Variants in SDK1 observed in about 807,000 individuals in gnomAD.
SDK1 encodes sidekick cell adhesion molecule 1, also known as protein sidekick-1.
A neutral mutation model predicts 245.5 loss-of-function variants in SDK1; 157 were observed. The observed-to-expected ratio is 0.64, with a 90% confidence interval of 0.56 to 0.73. The LOEUF is 0.73. Ranked by LOEUF, SDK1 falls within the 30% of genes least tolerant of loss-of-function variation. SDK1 has a pLI of 0.00. For missense variants in SDK1, 3,583 were observed against 3,002.3 expected, an observed-to-expected ratio of 1.19 and a Z score of -4.52; for synonymous variants, 1,647 against 1,278.5, an observed-to-expected ratio of 1.29 and a Z score of -6.15.
At chr7:3,436,098 C>T (rs1399016685) in intron 1 of SDK1, among the ~76,000 whole-genome samples, 1 of 152,090 alleles carries the variant, frequency 6.6e-6, no homozygotes, top group African/African-American at 2.4e-5. Context: ...GTTTTATTTT[C>T]AATATAATAT....
chr7:3,417,061 C>T (rs1030200860), intron 1 of SDK1, among the ~76,000 whole-genome samples: 1 of 152,092 alleles, frequency 6.6e-6, no homozygotes, highest in Non-Finnish European at 1.5e-5. Flanking sequence ...GTAATCCTAG[C>T]TACCGGGAAG....
chr7:3,570,748 A>G (rs999736012), intron 1 of SDK1, among the ~76,000 whole-genome samples: 1 of 152,296 alleles, frequency 6.6e-6, no homozygotes, highest in African/African-American at 2.4e-5. Context: ...AATTTACTGC[A>G]CTGATGGGTC....
rs908670320 is a variant in SDK1 at position 3,566,720 on chromosome 7, C to CAA, written c.299-52344_299-52343dup. Among the ~76,000 whole-genome samples the CAA allele has an allele frequency of 4.0e-4, 29 of 72,590 alleles. 1 individual carries two copies. Among genetic ancestry groups the CAA allele is most frequent in the Middle Eastern group, 9.4e-3 (1 of 106 alleles). 47.6% of individuals were successfully genotyped at this position (72,590 alleles called of 152,430 possible). A position where few individuals can be genotyped will look rare whatever the true frequency, so the allele number is the denominator to read the frequency against. On this transcript the variant is annotated intron_variant, in intron 1 of 44. Transcript: ENST00000404826. ...GTCTAGAACTGCAAGAAACTACTGC[C>CAA]AAAAAAAAAAAAAAAAAGTGATTGC...
At chr7:3,977,596 C>A (rs1382886225) in intron 13 of SDK1, among the ~76,000 whole-genome samples, 1 of 152,234 alleles carries the variant, frequency 6.6e-6, no homozygotes, top group Non-Finnish European at 1.5e-5. Context: ...CGGAGGTCTC[C>A]TGATCATGCA....
At chr7:4,212,709 GACAC>G (rs1369462814) in intron 38 of SDK1, among the ~76,000 whole-genome samples, 4 of 152,210 alleles carry the variant, frequency 2.6e-5, no homozygotes, top group Non-Finnish European at 5.9e-5. Flanking sequence ...GAATTTTGGA[GACAC>G]ACACGGGTTC....
At chr7:4,029,599 G>C (rs559498808) in intron 17 of SDK1, among the ~76,000 whole-genome samples, 1 of 152,214 alleles carries the variant, frequency 6.6e-6, no homozygotes, top group East Asian at 1.9e-4. Flanking sequence ...TTGGGTAATA[G>C]GTCATTAGAT....
intron 13 of SDK1, among the ~76,000 whole-genome samples, chr7:3,982,565 G>T (rs1237327785): frequency 6.6e-6 from 1 of 152,184 alleles, no homozygotes; most frequent in Non-Finnish European, 1.5e-5. Flanking sequence ...TGTGGGCTGG[G>T]CGCGGTGGCT....
At chr7:3,432,064 A>G (rs913088938) in intron 1 of SDK1, among the ~76,000 whole-genome samples, 4 of 151,214 alleles carry the variant, frequency 2.6e-5, no homozygotes, top group Non-Finnish European at 5.9e-5. Flanking sequence ...ACAATAACTC[A>G]GTCAGTCTGT....
intron 4 of SDK1, among the ~76,000 whole-genome samples, chr7:3,689,230 T>G (rs1471245477): frequency 1.3e-5 from 2 of 152,198 alleles, no homozygotes; most frequent in Non-Finnish European, 2.9e-5. Context: ...CTGTCAGGTT[T>G]CCAGCTTCCC....
intron 4 of SDK1, among the ~76,000 whole-genome samples, chr7:3,650,771 A>G (rs1782989495): frequency 6.6e-6 from 1 of 151,108 alleles, no homozygotes; most frequent in Non-Finnish European, 1.5e-5. Context: ...AAGTTTTGTC[A>G]TCTCAAGAAT....
intron 1 of SDK1, among the ~76,000 whole-genome samples, chr7:3,505,562 T>G (rs558938691): frequency 3.9e-5 from 6 of 152,218 alleles, no homozygotes; most frequent in African/African-American, 1.4e-4. Context: ...ATTGTTTATC[T>G]TAATATATCT....
intron 13 of SDK1, among the ~76,000 whole-genome samples, chr7:3,986,341 T>TAAC (rs1479034494): frequency 1.3e-5 from 2 of 152,212 alleles, no homozygotes; most frequent in Non-Finnish European, 1.5e-5. Context: ...CAAATCCCCA[T>TAAC]AACTCCAGCA....
At chr7:3,597,802 C>T (rs899398313) in intron 1 of SDK1, among the ~76,000 whole-genome samples, 3 of 152,102 alleles carry the variant, frequency 2.0e-5, no homozygotes, top group African/African-American at 4.8e-5. Context: ...CTGTGAGATT[C>T]CTCGATGGTG....
In SDK1 at chr7:3,695,582, A is replaced by T. The variant is rs1784547042; in HGVS notation, c.713+53477A>T. On this transcript the variant is annotated intron_variant, in intron 4 of 44. Transcript: ENST00000404826. The stretch of plus-strand genomic sequence containing the variant: ...CCTTTTAATGGGTGCATAATAGTTT[A>T]TTATATTGGAGGTACCATACTTTGA... Among the ~76,000 whole-genome samples the T allele has an allele frequency of 2.6e-5, 4 of 152,222 alleles. No individual in the cohort carries two copies. In the South Asian group the frequency reaches 8.3e-4, roughly 32 times the overall value.
At chr7:4,237,504 C>T (rs1038394569) in intron 41 of SDK1, 143 bp from the exon 42 acceptor site, 45 of 895,980 alleles carry the variant, frequency 5.0e-5, no homozygotes, top group Middle Eastern at 2.4e-4. Flanking sequence ...AAAGTCCACC[C>T]GCCCGGCTGG....
At position 4,175,655 on chromosome 7, in the gene SDK1, A is replaced by G. The variant is rs1231168184; in HGVS notation, c.4937-120A>G. The G allele has an allele frequency of 7.2e-6, 6 of 831,630 alleles. No individual in the cohort carries two copies. In the Admixed American group the frequency reaches 1.0e-4, roughly 14 times the overall value. 51.5% of individuals were successfully genotyped at this position (831,630 alleles called of 1,614,324 possible). A position where few individuals can be genotyped will look rare whatever the true frequency, so the allele number is the denominator to read the frequency against. Reference sequence around the variant, plus strand: ...GGGTCTTTATTGCCCCGGGAGGCGCAGCGTGGGAAGTGGCTGGCATCCCAG... The same window carrying G: ...GGGTCTTTATTGCCCCGGGAGGCGCGGCGTGGGAAGTGGCTGGCATCCCAG... On this transcript the variant is annotated intron_variant, in intron 33 of 44. Transcript: ENST00000404826.
At chr7:3,651,665 C>A (rs1299657924) in intron 4 of SDK1, among the ~76,000 whole-genome samples, 1 of 152,110 alleles carries the variant, frequency 6.6e-6, no homozygotes. Context: ...TCTTCACAGT[C>A]CAGAAGCAGA....
At chr7:3,514,887 C>T (rs1054424613) in intron 1 of SDK1, among the ~76,000 whole-genome samples, 36 of 152,322 alleles carry the variant, frequency 2.4e-4, no homozygotes, top group African/African-American at 7.9e-4. Flanking sequence ...CGTGCGCTCT[C>T]TCTCTCTTTC....
At position 4,027,069 on chromosome 7, in the gene SDK1, T is replaced by TG. The variant is rs571850868; in HGVS notation, c.2602+9717_2602+9718insG. Among the ~76,000 whole-genome samples, 616 of 152,302 alleles carry TG rather than the reference T, an allele frequency of 4.0e-3. 9 individuals carry two copies. Among genetic ancestry groups the TG allele is most frequent in the African/African-American group, 0.014 (593 of 41,558 alleles). ...TGTGCAGGACGTGAAGATTTGTGCTTCTTGCATCGTGGGGTAGAAGCAGCT... is the reference window on the plus strand; with the variant it reads ...TGTGCAGGACGTGAAGATTTGTGCTTGCTTGCATCGTGGGGTAGAAGCAGCT... On this transcript the variant is annotated intron_variant, in intron 17 of 44. Transcript: ENST00000404826.
Sources: allele counts gnomAD v4.1 joint callset (sites outside exome capture counted in the v4.1 genomes callset), GRCh38; gene constraint gnomAD v4.1.1; transcripts MANE v1.5; gene names NCBI Gene and HGNC (gene_info 2026-07-23, HGNC 2026-07-21).